The following TMEM150C variants were observed in gnomAD, a reference collection of about 807,000 sequenced individuals.
The protein encoded by TMEM150C is transmembrane protein 150C, also known as tentonin 3.
Under a neutral mutation model 29.9 loss-of-function variants are expected in TMEM150C, and 10 were observed. The ratio of observed to expected loss-of-function variants is 0.33; its 90% CI spans 0.21 to 0.57. The LOEUF is 0.57. Among genes scored for constraint, TMEM150C ranks in the 20% least tolerant of loss-of-function variants. TMEM150C has a pLI of 0.88. For missense variants in TMEM150C, 251 were observed against 303.6 expected (o/e 0.83, Z 1.29); for synonymous variants, 101 against 112.5 (o/e 0.90, Z 0.64).
At chr4:82,539,459 C>CTTTTTT (rs34120699) in intron 1 of TMEM150C, among the ~76,000 whole-genome samples, 20,784 of 147,322 alleles carry the variant, frequency 0.14, 1,711 homozygotes, top group Middle Eastern at 0.24. Flanking sequence ...ATCCAAACAA[C>CTTTTTT]TTTTTTTTTT....
intron 1 of TMEM150C, among the ~76,000 whole-genome samples, chr4:82,529,256 TC>T (rs1306811528): frequency 1.4e-5 from 1 of 71,320 alleles, no homozygotes; most frequent in African/African-American, 5.3e-5. Context: ...CCTCCCTCCC[TC>T]CCTCTCTCCC....
chr4:82,502,141 G>A (rs1723756508), intron 5 of TMEM150C, among the ~76,000 whole-genome samples: 1 of 152,206 alleles, frequency 6.6e-6, no homozygotes, highest in African/African-American at 2.4e-5. Context: ...CAGAGGGACA[G>A]AATATTACAG....
chr4:82,528,118 A>T (rs960078978), intron 1 of TMEM150C, among the ~76,000 whole-genome samples: 1 of 152,254 alleles, frequency 6.6e-6, no homozygotes, highest in Non-Finnish European at 1.5e-5. Context: ...AATAAATGCT[A>T]TATAATTGGC....
intron 1 of TMEM150C, among the ~76,000 whole-genome samples, chr4:82,550,498 G>A (rs1725535504): frequency 6.6e-6 from 1 of 152,112 alleles, no homozygotes; most frequent in Non-Finnish European, 1.5e-5. Context: ...TTGAGGAGTA[G>A]GGTATGAAAG....
At chr4:82,510,874 G>C (rs1724100995) in intron 1 of TMEM150C, among the ~76,000 whole-genome samples, 1 of 152,148 alleles carries the variant, frequency 6.6e-6, no homozygotes. Context: ...TTAACCACCT[G>C]TGAATCTTAT....
chr4:82,505,095 A>T (rs1723871992), intron 1 of TMEM150C, among the ~76,000 whole-genome samples: 1 of 152,246 alleles, frequency 6.6e-6, no homozygotes, highest in Admixed American at 6.5e-5. Context: ...CCATGATTCA[A>T]ATTGGTATCA....
chr4:82,538,345 G>T (rs574697139), intron 1 of TMEM150C, among the ~76,000 whole-genome samples: 2 of 152,084 alleles, frequency 1.3e-5, no homozygotes, highest in East Asian at 3.9e-4. Context: ...GGCATGAGCC[G>T]CCGCACCCAG....
intron 7 of TMEM150C, among the ~76,000 whole-genome samples, chr4:82,487,933 T>A (rs1232028683): frequency 6.6e-6 from 1 of 152,054 alleles, no homozygotes; most frequent in African/African-American, 2.4e-5. Flanking sequence ...TTATTTATAT[T>A]TATTTATTTA....
rs182051657 is a variant in TMEM150C at position 82,493,174 on chromosome 4, C to A, written c.363+2894G>T. Reference sequence around the variant, plus strand: ...TAAGGGTTGCATCAAATCAATGTTACTTTCCTTTTACAATTTTTTCTATTG... The same window carrying A: ...TAAGGGTTGCATCAAATCAATGTTAATTTCCTTTTACAATTTTTTCTATTG... On this transcript the variant is annotated intron_variant, in intron 6 of 7. Transcript: ENST00000449862. 3.3e-5 allele frequency among the ~76,000 whole-genome samples: 5 copies of A among 151,764 alleles called. No individual in the cohort carries two copies. In the East Asian group the frequency reaches 9.6e-4, roughly 29 times the overall value.
rs962354563 is a variant in TMEM150C at position 82,527,699 on chromosome 4, C to T, written c.-10-23032G>A. Among the ~76,000 whole-genome samples, 13 of 152,300 alleles carry T rather than the reference C, an allele frequency of 8.5e-5. No homozygotes were observed. In the East Asian group the frequency reaches 2.3e-3, roughly 27 times the overall value. ...CTGCCCAGTGGACTTCTAACTCCAGCATCAGAAGTGAAGAAAACAGCTTCA... is the reference window on the plus strand; with the variant it reads ...CTGCCCAGTGGACTTCTAACTCCAGTATCAGAAGTGAAGAAAACAGCTTCA... On this transcript the variant is annotated intron_variant, in intron 1 of 7. Transcript: ENST00000449862.
intron 1 of TMEM150C, among the ~76,000 whole-genome samples, chr4:82,559,686 T>A (rs554829672): frequency 1.2e-4 from 18 of 152,196 alleles, no homozygotes; most frequent in Non-Finnish European, 2.4e-4. Flanking sequence ...TCAGCACACA[T>A]CTCATTGGAC....
At chr4:82,491,048 A>T in intron 6 of TMEM150C, 2 of 730,060 alleles carry the variant, frequency 2.7e-6, no homozygotes, top group South Asian at 1.4e-5. Context: ...TGTGGACTAG[A>T]CGTCCCAGTC....
intron 1 of TMEM150C, among the ~76,000 whole-genome samples, chr4:82,544,391 G>A (rs1264749824): frequency 6.6e-6 from 1 of 152,200 alleles, no homozygotes; most frequent in Non-Finnish European, 1.5e-5. Context: ...GAAGTTAACA[G>A]GTATTTATTG....
chr4:82,525,377 T>C (rs906738031), intron 1 of TMEM150C, among the ~76,000 whole-genome samples: 5 of 152,200 alleles, frequency 3.3e-5, no homozygotes, highest in African/African-American at 9.7e-5. Context: ...AGAACTGTAT[T>C]GTTTCCAAAG....
rs58169287 is a variant in TMEM150C, at chr4:82,492,864, G to GTATATATATATATATATA, written c.364-2644_364-2627dup. Among the ~76,000 whole-genome samples the GTATATATATATATATATA allele has an allele frequency of 4.4e-3, 393 of 90,170 alleles. 5 individuals carry two copies. Among genetic ancestry groups the GTATATATATATATATATA allele is most frequent in the Non-Finnish European group, 6.8e-3 (308 of 45,042 alleles). 59.2% of individuals were successfully genotyped at this position (90,170 alleles called of 152,430 possible). ...CATCAAACCTAGCGTATATGTTTGT[G>GTATATATATATATATATA]TATATATATATATATATATATATAT... is the stretch of plus-strand genomic sequence containing the variant. On this transcript the variant is annotated intron_variant, in intron 6 of 7. Coordinates refer to ENST00000449862, the MANE Select transcript of TMEM150C (RefSeq NM_001080506.3).
At chr4:82,559,470 G>A (rs1254192371) in intron 1 of TMEM150C, among the ~76,000 whole-genome samples, 3 of 152,060 alleles carry the variant, frequency 2.0e-5, no homozygotes, top group Non-Finnish European at 2.9e-5. Context: ...CAGGAGAATC[G>A]CTTGAACCCA....
intron 1 of TMEM150C, among the ~76,000 whole-genome samples, chr4:82,521,995 C>T (rs1343319348): frequency 2.0e-5 from 3 of 151,886 alleles, no homozygotes; most frequent in Non-Finnish European, 1.5e-5. Context: ...CCTGGGAGGT[C>T]GAGGCTGCAG....
intron 1 of TMEM150C, among the ~76,000 whole-genome samples, chr4:82,542,646 T>C (rs1004493815): frequency 6.6e-6 from 1 of 152,198 alleles, no homozygotes; most frequent in Non-Finnish European, 1.5e-5. Flanking sequence ...TAAAAATTTG[T>C]AATGCATGGG....
chr4:82,495,528 C>G (rs562534171), intron 6 of TMEM150C: 1 of 358,024 alleles, frequency 2.8e-6, no homozygotes, highest in African/African-American at 2.2e-5. Flanking sequence ...GTATAGCCTT[C>G]TCTCTTTTTT....
Sources: allele counts gnomAD v4.1 joint callset (sites outside exome capture counted in the v4.1 genomes callset), GRCh38; gene constraint gnomAD v4.1.1; transcripts MANE v1.5; gene names NCBI Gene and HGNC (gene_info 2026-07-23, HGNC 2026-07-21).